MTSS1: variants seen among roughly 807,000 people sequenced by gnomAD.
MTSS1 encodes the protein protein MTSS 1.
In MTSS1, 18 loss-of-function variants were observed where a neutral mutation model predicts 79.0. The ratio of observed to expected loss-of-function variants is 0.23; its 90% confidence interval spans 0.16 to 0.34. The LOEUF is 0.34. Ranked by LOEUF, MTSS1 falls within the 10% of genes least tolerant of loss-of-function variation. The pLI is 1.00. For synonymous variants in MTSS1, 341 were observed against 368.6 expected (o/e 0.93, Z 0.86); for missense variants, 815 against 986.2 (o/e 0.83, Z 2.33).
At chr8:124,554,580 C>T (rs1272220278) in intron 13 of MTSS1, among the ~76,000 whole-genome samples, 1 of 152,156 alleles carries the variant, frequency 6.6e-6, no homozygotes, top group East Asian at 1.9e-4. Context: ...TCTTGCCTGA[C>T]TTGTGTGTGC....
chr8:124,567,613 C>A (rs892713480), intron 7 of MTSS1: 5 of 1,391,906 alleles, frequency 3.6e-6, no homozygotes, highest in Non-Finnish European at 4.7e-6. Flanking sequence ...TCAACAGAAG[C>A]TAACTTTTCC....
intron 3 of MTSS1, among the ~76,000 whole-genome samples, chr8:124,687,497 G>A (rs941179769): frequency 2.0e-5 from 3 of 152,170 alleles, no homozygotes; most frequent in Admixed American, 1.3e-4. Flanking sequence ...GCTGAAATCC[G>A]GGCAAGCTCT....
chr8:124,567,862 A>C, intron 7 of MTSS1: 1 of 1,471,986 alleles, frequency 6.8e-7, no homozygotes, highest in Non-Finnish European at 9.0e-7. Context: ...CCTGCAGTGC[A>C]AGTTCTCAAT....
intron 6 of MTSS1, among the ~76,000 whole-genome samples, chr8:124,577,072 T>A (rs1214993245): frequency 6.6e-6 from 1 of 152,188 alleles, no homozygotes; most frequent in Non-Finnish European, 1.5e-5. Context: ...AGGAGTTGTG[T>A]CTACGTGAGG....
intron 1 of MTSS1, among the ~76,000 whole-genome samples, chr8:124,717,921 T>C (rs1400376483): frequency 6.6e-6 from 1 of 152,198 alleles, no homozygotes; most frequent in Non-Finnish European, 1.5e-5. Flanking sequence ...TTCTCAAGTA[T>C]GTTTTGACCA....
intron 1 of MTSS1, among the ~76,000 whole-genome samples, chr8:124,712,224 C>A (rs992684418): frequency 6.6e-6 from 1 of 152,170 alleles, no homozygotes; most frequent in Admixed American, 6.5e-5. Flanking sequence ...AAATCTCCAG[C>A]TGCCACAGCC....
At chr8:124,559,454 G>T (rs1824795631) in intron 10 of MTSS1, among the ~76,000 whole-genome samples, 1 of 152,190 alleles carries the variant, frequency 6.6e-6, no homozygotes, top group African/African-American at 2.4e-5. Context: ...GTGATTTTGG[G>T]GTTTGGGGCA....
chr8:124,671,224 G>A (rs748489561), intron 3 of MTSS1, among the ~76,000 whole-genome samples: 12 of 151,722 alleles, frequency 7.9e-5, no homozygotes, highest in Non-Finnish European at 1.5e-4. Flanking sequence ...TTCCCACTGA[G>A]CCCTCCTCCA....
intron 1 of MTSS1, among the ~76,000 whole-genome samples, chr8:124,718,239 T>C (rs1170621862): frequency 1.3e-5 from 2 of 148,802 alleles, no homozygotes; most frequent in Non-Finnish European, 3.0e-5. Flanking sequence ...CCTCATGAAA[T>C]GCTCTCAAAA....
At chr8:124,559,413 A>G (rs1364738813) in intron 10 of MTSS1, among the ~76,000 whole-genome samples, 1 of 152,226 alleles carries the variant, frequency 6.6e-6, no homozygotes, top group Non-Finnish European at 1.5e-5. Context: ...AGCCTCATCA[A>G]GACAGACTTT....
chr8:124,556,058 C>T (rs1328771380), intron 12 of MTSS1, 154 bp from the exon 13 acceptor site: 1 of 1,541,152 alleles, frequency 6.5e-7, no homozygotes, highest in East Asian at 2.4e-5. Flanking sequence ...CTGCCTCTCT[C>T]ATTCCCACAC....
At chr8:124,591,777 G>A (rs1474629905) in intron 3 of MTSS1, among the ~76,000 whole-genome samples, 1 of 151,994 alleles carries the variant, frequency 6.6e-6, no homozygotes, top group Non-Finnish European at 1.5e-5. Context: ...AGCAAAATGA[G>A]GTAATAGGAC....
intron 3 of MTSS1, among the ~76,000 whole-genome samples, chr8:124,629,842 C>T (rs563775367): frequency 2.6e-5 from 4 of 152,282 alleles, no homozygotes; most frequent in East Asian, 1.9e-4. Flanking sequence ...GTGAATCATC[C>T]GAATAACCAG....
chr8:124,554,297 T>C (rs1206117738), intron 13 of MTSS1, among the ~76,000 whole-genome samples: 1 of 152,166 alleles, frequency 6.6e-6, no homozygotes, highest in East Asian at 1.9e-4. Context: ...ATTGATAATT[T>C]GGGCTGGATA....
intron 3 of MTSS1, among the ~76,000 whole-genome samples, chr8:124,609,914 A>C (rs1190356697): frequency 1.3e-5 from 2 of 152,146 alleles, no homozygotes; most frequent in Non-Finnish European, 2.9e-5. Context: ...GGGAAATGAG[A>C]CATTCTTCAT....
At chr8:124,609,007 C>T (rs1835312799) in intron 3 of MTSS1, among the ~76,000 whole-genome samples, 1 of 152,188 alleles carries the variant, frequency 6.6e-6, no homozygotes, top group South Asian at 2.1e-4. Flanking sequence ...CTGACAAGTT[C>T]CCAGAAGATA....
chr8:124,553,215 A>G lies in MTSS1; in HGVS notation c.2045T>C (p.Ile682Thr), dbSNP rs746827582. 1.2e-5 allele frequency: 20 copies of G among 1,613,950 alleles called. No individual in the cohort carries two copies. The highest frequency in any genetic ancestry group is 1.7e-5 in the Non-Finnish European group (20 of 1,180,024). Reference protein sequence around the residue: ...NPPLPGPKPSIPEEHRQAIPE... With the variant: ...NPPLPGPKPSTPEEHRQAIPE... Reference sequence around the variant, plus strand: ...AATTGCCTGTCTGTGCTCCTCAGGGATACTGGGCTTCGGGCCTGGAAGTGG... The same window carrying G: ...AATTGCCTGTCTGTGCTCCTCAGGGGTACTGGGCTTCGGGCCTGGAAGTGG... Residue 682 changes from isoleucine (I) to threonine (T), a missense_variant, in exon 14 of 14, where the codon ATC (isoleucine) becomes ACC (threonine). Physicochemically the swap from Ile to Thr is moderately conservative, Grantham distance 89. This residue lies in a region of MTSS1 where 590 missense variants were observed against 620.8 expected (regional missense o/e 0.95). Transcript: ENST00000518547. The surrounding 1 kb of genome is among the most constrained non-coding windows in gnomAD (Gnocchi z 6.0).
chr8:124,706,223 G>T (rs1830368681), intron 1 of MTSS1, among the ~76,000 whole-genome samples: 1 of 152,142 alleles, frequency 6.6e-6, no homozygotes, highest in African/African-American at 2.4e-5. Context: ...AGAGATATCT[G>T]GAAAGTTGTC....
intron 3 of MTSS1, among the ~76,000 whole-genome samples, chr8:124,622,060 AAG>A (rs55869660): frequency 0.37 from 40,256 of 109,272 alleles, 5,282 homozygotes; most frequent in African/African-American, 0.47. Flanking sequence ...CAGAAAGAGA[AAG>A]AGAGAGAGAG....
Sources: allele counts gnomAD v4.1 joint callset (sites outside exome capture counted in the v4.1 genomes callset), GRCh38; gene constraint gnomAD v4.1.1; regional missense constraint gnomAD v4.1.1; non-coding constraint Gnocchi (gnomAD v3.1); transcripts MANE v1.5; gene names NCBI Gene and HGNC (gene_info 2026-07-23, HGNC 2026-07-21).